CADM1: variants seen among roughly 807,000 people sequenced by gnomAD.
CADM1 encodes the protein cell adhesion molecule 1, also known as TSLC-1.
CADM1 carries 15 observed loss-of-function variants against 53.1 expected under a neutral mutation model. The observed-to-expected ratio is 0.28, with a 90% CI of 0.19 to 0.44. The LOEUF (loss-of-function observed/expected upper bound fraction) is 0.44, where lower values mean the gene tolerates loss of function less well. CADM1 is among the 20% of genes least tolerant of loss of function. The pLI is 1.00. For missense variants in CADM1, 434 were observed against 611.3 expected (o/e 0.71, Z 3.06); for synonymous variants, 281 against 243.0 (o/e 1.16, Z -1.45).
At chr11:115,434,032 G>C (rs960156773) in intron 1 of CADM1, among the ~76,000 whole-genome samples, 4 of 152,056 alleles carry the variant, frequency 2.6e-5, no homozygotes, top group African/African-American at 9.7e-5. Context: ...TAAATGATTG[G>C]CAGTAAGTCA....
At chr11:115,306,957 A>G (rs1944391802) in intron 1 of CADM1, among the ~76,000 whole-genome samples, 1 of 151,962 alleles carries the variant, frequency 6.6e-6, no homozygotes, top group Non-Finnish European at 1.5e-5. Context: ...TCAAATTGAG[A>G]AGGATTTAAG....
At chr11:115,202,770 T>C (rs777035348) in intron 8 of CADM1, among the ~76,000 whole-genome samples, 2 of 152,110 alleles carry the variant, frequency 1.3e-5, no homozygotes, top group Non-Finnish European at 2.9e-5. Flanking sequence ...ATCTAGACAC[T>C]AGGGCAGGCA....
intron 1 of CADM1, among the ~76,000 whole-genome samples, chr11:115,276,610 T>C (rs946113960): frequency 6.6e-6 from 1 of 152,234 alleles, no homozygotes; most frequent in South Asian, 2.1e-4. Context: ...AATGTTATTT[T>C]TGTGTTCTCA....
At chr11:115,483,533 A>G (rs1021577672) in intron 1 of CADM1, among the ~76,000 whole-genome samples, 2 of 152,190 alleles carry the variant, frequency 1.3e-5, no homozygotes, top group African/African-American at 4.8e-5. Context: ...AGATATTCCA[A>G]AGGCTTTTAG....
At chr11:115,298,815 G>A (rs1944145247) in intron 1 of CADM1, among the ~76,000 whole-genome samples, 1 of 152,154 alleles carries the variant, frequency 6.6e-6, no homozygotes, top group Non-Finnish European at 1.5e-5. Context: ...AGAAGGATGA[G>A]GAGAATGGCT....
intron 6 of CADM1, 128 bp downstream of exon 6, chr11:115,217,763 GT>G: frequency 4.1e-6 from 3 of 730,686 alleles, no homozygotes; most frequent in Non-Finnish European, 7.6e-6. Context: ...ATATTCTTTA[GT>G]TCCTGAAAAA....
chr11:115,361,661 T>C (rs761271096), intron 1 of CADM1, among the ~76,000 whole-genome samples: 31 of 152,158 alleles, frequency 2.0e-4, no homozygotes, highest in Non-Finnish European at 3.4e-4. Context: ...TCTAGGCATA[T>C]GCACACCCAC....
At chr11:115,414,409 T>G (rs1300814135) in intron 1 of CADM1, among the ~76,000 whole-genome samples, 1 of 152,164 alleles carries the variant, frequency 6.6e-6, no homozygotes, top group Non-Finnish European at 1.5e-5. Flanking sequence ...CACAACAGTC[T>G]ATCTCTGTCC....
At position 115,290,764 on chromosome 11, in the gene CADM1, A is replaced by G. The variant is rs147188921; in HGVS notation, c.125-50344T>C. On this transcript the variant is annotated intron_variant, in intron 1 of 11. Coordinates refer to ENST00000331581, the MANE Select transcript of CADM1 (RefSeq NM_001301043.2). ...AGAAAACAAGTGGAGAGGAAGAGAA[A>G]TTTGAGCTTGTTGGCTATGGAAAGT... 1.2e-4 allele frequency among the ~76,000 whole-genome samples: 19 copies of G among 152,322 alleles called. No individual in the cohort carries two copies. The East Asian group carries it at 3.5e-3, about 28-fold the overall frequency.
intron 1 of CADM1, among the ~76,000 whole-genome samples, chr11:115,252,961 G>A (rs1446953069): frequency 1.3e-5 from 2 of 152,142 alleles, no homozygotes; most frequent in African/African-American, 4.8e-5. Context: ...AAATATGCAC[G>A]AATACTTGGC....
Position 115,174,363 on chromosome 11 carries a change from T to C in CADM1, c.*2111A>G. 1 of 985,286 alleles carries C rather than the reference T, an allele frequency of 1.0e-6. No individual in the cohort carries two copies. Among genetic ancestry groups the C allele is most frequent in the Non-Finnish European group, 1.2e-6 (1 of 829,454 alleles). 61.0% of individuals were successfully genotyped at this position (985,286 alleles called of 1,614,324 possible). A position where few individuals can be genotyped will look rare whatever the true frequency, so the allele number is the denominator to read the frequency against. ...AACATGCTAAATGATTCTCACCCTT[T>C]GATATGATTATACTATGGTCGGAAT... On this transcript the variant is annotated 3_prime_UTR_variant, in exon 12 of 12. Coordinates refer to ENST00000331581, the MANE Select transcript of CADM1 (RefSeq NM_001301043.2).
intron 8 of CADM1, among the ~76,000 whole-genome samples, chr11:115,204,628 T>C (rs1009425589): frequency 7.9e-5 from 12 of 152,216 alleles, no homozygotes; most frequent in Non-Finnish European, 1.8e-4. Context: ...ATCATTTAGA[T>C]GGTCATGACA....
At chr11:115,500,774 TG>T (rs1461836758) in intron 1 of CADM1, among the ~76,000 whole-genome samples, 1 of 152,188 alleles carries the variant, frequency 6.6e-6, no homozygotes, top group Non-Finnish European at 1.5e-5. Flanking sequence ...AATTTAGAGC[TG>T]GAAGAAAGGA....
chr11:115,244,238 T>C (rs2186420), intron 1 of CADM1, among the ~76,000 whole-genome samples: 56,405 of 152,190 alleles, frequency 0.37, 10,717 homozygotes, highest in East Asian at 0.54. Flanking sequence ...ATGACCATGA[T>C]AGCAGAGTTG....
intron 1 of CADM1, among the ~76,000 whole-genome samples, chr11:115,414,191 T>C (rs1355452390): frequency 6.6e-6 from 1 of 152,206 alleles, no homozygotes; most frequent in Non-Finnish European, 1.5e-5. Flanking sequence ...CAATGGACTT[T>C]TATTTTCATG....
At chr11:115,483,050 T>C (rs561699862) in intron 1 of CADM1, among the ~76,000 whole-genome samples, 1 of 152,332 alleles carries the variant, frequency 6.6e-6, no homozygotes, top group East Asian at 1.9e-4. Flanking sequence ...TCAATCCAAC[T>C]GATGTCAGTA....
chr11:115,431,210 G>A (rs976695300), intron 1 of CADM1, among the ~76,000 whole-genome samples: 1 of 152,084 alleles, frequency 6.6e-6, no homozygotes, highest in Non-Finnish European at 1.5e-5. Context: ...GCAAAATAAG[G>A]ATTATTTCGT....
chr11:115,264,950 A>G lies in CADM1; in HGVS notation c.125-24530T>C, dbSNP rs375674661. ...TACTAAACAAGGGTGCCATGAAGGT[A>G]AGTGAACAACACCACAGTATTTCTC... On this transcript the variant is annotated intron_variant, in intron 1 of 11. Transcript: ENST00000331581. Among the ~76,000 whole-genome samples the G allele has an allele frequency of 9.8e-5, 15 of 152,312 alleles. No homozygotes were observed. The East Asian group carries it at 1.4e-3, about 14-fold the overall frequency.
chr11:115,473,196 C>T (rs1018816151), intron 1 of CADM1, among the ~76,000 whole-genome samples: 4 of 152,192 alleles, frequency 2.6e-5, no homozygotes, highest in Non-Finnish European at 4.4e-5. Flanking sequence ...TGATGGCTCA[C>T]GTGTATAATC....
Sources: gnomAD v4.1 joint callset for allele counts (sites outside exome capture counted in the v4.1 genomes callset) on GRCh38, gnomAD v4.1.1 for gene constraint, MANE v1.5 for transcripts, NCBI Gene and HGNC (gene_info 2026-07-23, HGNC 2026-07-21) for gene names.